Variants in AHR observed in about 807,000 individuals in gnomAD.
The protein encoded by AHR is aryl hydrocarbon receptor.
Under a neutral mutation model 86.8 loss-of-function variants are expected in AHR, and 40 were observed. The observed-to-expected ratio is 0.46, with a 90% CI of 0.36 to 0.60. The LOEUF is 0.60. AHR is among the 20% of genes least tolerant of loss of function. AHR has a pLI of 0.00. For synonymous variants in AHR, 398 were observed against 354.9 expected (o/e 1.12, Z -1.37); for missense variants, 1,001 against 1,011.6 (o/e 0.99, Z 0.14).
intron 1 of AHR, among the ~76,000 whole-genome samples, chr7:17,301,619 A>G (rs757076971): frequency 5.9e-5 from 9 of 151,850 alleles, no homozygotes; most frequent in South Asian, 4.1e-4. Flanking sequence ...GTAGGTGACA[A>G]TTGTAACCTG....
chr7:17,328,359 T>C (rs1292974183), intron 4 of AHR, among the ~76,000 whole-genome samples: 1 of 151,994 alleles, frequency 6.6e-6, no homozygotes, highest in Non-Finnish European at 1.5e-5. Flanking sequence ...CTGTAAGCAT[T>C]AGACTGGAAG....
chr7:17,305,841 C>A (rs1782000320), intron 1 of AHR, among the ~76,000 whole-genome samples: 1 of 152,030 alleles, frequency 6.6e-6, no homozygotes, highest in East Asian at 1.9e-4. Flanking sequence ...ACCTCATAGA[C>A]TTTTTTGATG....
At chr7:17,331,078 G>T (rs1212654411) in intron 6 of AHR, among the ~76,000 whole-genome samples, 192 bp downstream of exon 6, 1 of 151,880 alleles carries the variant, frequency 6.6e-6, no homozygotes, top group African/African-American at 2.4e-5. Flanking sequence ...TGCAAGTGAG[G>T]TACAGAAATG....
In AHR at chr7:17,299,328, A is replaced by T. The variant is rs530894063; in HGVS notation, c.64A>T (p.Thr22Ser). ...SRKRRKPVQK[T>S]VKPIPAEGIK... is the part of the protein sequence containing the mutation. ...CAAGCGGCGGAAGCCGGTGCAGAAA[A>T]CGTGAGTGTCCCGAGCGCGTCCTCA... Residue 22 changes from threonine to serine, a missense_variant and splice_region_variant, in exon 1 of 11, where the codon ACA becomes TCA. Thr to Ser is a moderately conservative substitution (Grantham distance 58). This residue lies in a region of AHR where 394 missense variants were observed against 468.5 expected (regional missense o/e 0.84). Transcript: ENST00000242057. 19 of 1,612,746 alleles carry T rather than the reference A, an allele frequency of 1.2e-5. 1 individual carries two copies. In the South Asian group the frequency reaches 1.4e-4, roughly 12 times the overall value.
intron 7 of AHR, 128 bp from the exon 8 acceptor site, chr7:17,334,759 T>C (rs1584040868): frequency 1.6e-6 from 1 of 614,526 alleles, no homozygotes; most frequent in East Asian, 2.8e-5. Context: ...CATCTACTTA[T>C]GTGAAATTCT....
intron 9 of AHR, among the ~76,000 whole-genome samples, chr7:17,338,107 G>A (rs1282910397): frequency 6.6e-6 from 1 of 150,538 alleles, no homozygotes; most frequent in African/African-American, 2.4e-5. Context: ...GCTGAGGCAG[G>A]AGAATGGCGT....
At chr7:17,310,376 C>T (rs767204810) in intron 2 of AHR, among the ~76,000 whole-genome samples, 23 of 152,046 alleles carry the variant, frequency 1.5e-4, no homozygotes, top group African/African-American at 5.1e-4. Flanking sequence ...AGAAGTTACA[C>T]TCAAATTGAT....
At chr7:17,311,906 G>C (rs1782067891) in intron 2 of AHR, among the ~76,000 whole-genome samples, 1 of 152,146 alleles carries the variant, frequency 6.6e-6, no homozygotes. Flanking sequence ...CCTTCGCATA[G>C]GAAAGCACTG....
rs2115372348 is a variant in AHR, at chr7:17,343,465, TC to T, written c.*405del. 1 of 170,642 alleles carries T rather than the reference TC, an allele frequency of 5.9e-6. No individual in the cohort carries two copies. The highest frequency in any genetic ancestry group is 1.8e-4 in the East Asian group (1 of 5,534). The allele number at this position is 170,642 out of a possible 1,614,324, so 10.6% of individuals were successfully genotyped here. ...TTTGAGCTACTGGATTCTTATTAGT[TC>T]CCCAAATACAAAGTTAGAGAACTAA... On this transcript the variant is annotated 3_prime_UTR_variant, in exon 11 of 11. Transcript: ENST00000242057.
At position 17,335,786 on chromosome 7, in the gene AHR, C is replaced by G. The variant is rs1246045330; in HGVS notation, c.1160C>G (p.Thr387Arg). Residue 387 changes from threonine (T) to arginine (R), a missense_variant and splice_region_variant, in exon 9 of 11, where the codon ACA (threonine) becomes AGA (arginine). Physicochemically the swap from Thr to Arg is moderately conservative, Grantham distance 71. Coordinates refer to ENST00000242057, the MANE Select transcript of AHR (RefSeq NM_001621.5). The part of the protein sequence containing the change: ...DYIIVTQRPL[T>R]DEEGTEHLRK... ...ATCATTGTAACTCAGAGACCACTAACGTAAGCACAAATAATGTTTCCTGTT... is the reference window on the plus strand; with the variant it reads ...ATCATTGTAACTCAGAGACCACTAAGGTAAGCACAAATAATGTTTCCTGTT... 1.2e-6 allele frequency: 2 copies of G among 1,610,784 alleles called. No individual in the cohort carries two copies.
rs1022579251 is a variant in AHR at position 17,328,066 on chromosome 7, G to A, written c.450+218G>A. 5.3e-5 allele frequency among the ~76,000 whole-genome samples: 8 copies of A among 151,338 alleles called. No individual in the cohort carries two copies. In the East Asian group the frequency reaches 5.8e-4, roughly 11 times the overall value. ...TCATGGTTACTGTGTTTCTTCTTTCGCTTATCAAGAATCTTATATATAAGA... is the reference window on the plus strand; with the variant it reads ...TCATGGTTACTGTGTTTCTTCTTTCACTTATCAAGAATCTTATATATAAGA... On this transcript the variant is annotated intron_variant, in intron 4 of 10. Transcript: ENST00000242057.
intron 1 of AHR, among the ~76,000 whole-genome samples, chr7:17,304,360 T>C (rs1781984930): frequency 6.6e-6 from 1 of 152,186 alleles, no homozygotes; most frequent in South Asian, 2.1e-4. Context: ...TTGTTTACTG[T>C]TTAGCTAAGT....
Position 17,298,884 on chromosome 7 carries a change from G to C in AHR, c.-381G>C, listed in dbSNP as rs538800381. 47 of 398,732 alleles carry C rather than the reference G, an allele frequency of 1.2e-4. 1 individual carries two copies. Among genetic ancestry groups the C allele is most frequent in the Non-Finnish European group, 1.7e-4 (39 of 226,134 alleles). 24.7% of individuals were successfully genotyped at this position (398,732 alleles called of 1,614,324 possible). On this transcript the variant is annotated 5_prime_UTR_variant, in exon 1 of 11. Transcript: ENST00000242057. ...GACGGTCACGGGGCGCGGCGCCACC[G>C]TGAGCGACCCAGGCCAGGATTCTAA... is the stretch of plus-strand genomic sequence containing the variant.
intron 1 of AHR, among the ~76,000 whole-genome samples, chr7:17,299,822 G>A (rs1781936676): frequency 6.6e-6 from 1 of 152,170 alleles, no homozygotes; most frequent in Admixed American, 6.5e-5. Flanking sequence ...GCCTCTAAAG[G>A]TACTTTTTGG....
intron 6 of AHR, 105 bp downstream of exon 6, chr7:17,330,991 A>C: frequency 8.1e-7 from 1 of 1,237,972 alleles, no homozygotes. Flanking sequence ...CTATTCCCAA[A>C]TCAGGCAACC....
At chr7:17,335,813 T>C (rs1439318760) in intron 9 of AHR, 27 bp downstream of exon 9, 1 of 1,601,032 alleles carries the variant, frequency 6.2e-7, no homozygotes, top group Non-Finnish European at 8.5e-7. Context: ...TTTCCTGTTT[T>C]AACAGTTTTG....
Position 17,343,344 on chromosome 7 carries a change from T to A in AHR, c.*280T>A. The A allele has an allele frequency of 3.0e-6, 1 of 336,592 alleles. No homozygotes were observed. The highest frequency in any genetic ancestry group is 5.3e-6 in the Non-Finnish European group (1 of 188,498). The allele number at this position is 336,592 out of a possible 1,614,324, so 20.9% of individuals were successfully genotyped here. A position where few individuals can be genotyped will look rare whatever the true frequency, so the allele number is the denominator to read the frequency against. ...ACATTATTCTGGGCACCACAAAATA[T>A]ACAAAACTTTATCAGGGAAACTAAG... On this transcript the variant is annotated 3_prime_UTR_variant, in exon 11 of 11. Transcript: ENST00000242057.
intron 3 of AHR, among the ~76,000 whole-genome samples, chr7:17,323,047 A>G (rs1264191900): frequency 6.6e-6 from 1 of 152,098 alleles, no homozygotes; most frequent in Non-Finnish European, 1.5e-5. Context: ...TGTTTGCATG[A>G]TGATGAAAAT....
At chr7:17,336,963 A>G (rs1181673605) in intron 9 of AHR, among the ~76,000 whole-genome samples, 1 of 151,704 alleles carries the variant, frequency 6.6e-6, no homozygotes, top group Non-Finnish European at 1.5e-5. Flanking sequence ...CATTTTTTGC[A>G]ACTTTTAAAA....
Sources: gnomAD v4.1 joint callset for allele counts (sites outside exome capture counted in the v4.1 genomes callset) on GRCh38, gnomAD v4.1.1 for gene constraint, gnomAD v4.1.1 regional missense constraint, MANE v1.5 for transcripts, NCBI Gene and HGNC (gene_info 2026-07-23, HGNC 2026-07-21) for gene names.